Variants in KIF11 observed in about 807,000 individuals in gnomAD.
KIF11 encodes kinesin-like protein KIF11.
KIF11 carries 9 observed loss-of-function variants against 121.0 expected under a neutral mutation model. The observed-to-expected ratio is 0.07, with a 90% CI of 0.04 to 0.13. The LOEUF is 0.13. Ranked by LOEUF, KIF11 falls within the 10% of genes least tolerant of loss-of-function variation. KIF11 has a pLI of 1.00. For synonymous variants in KIF11, 408 were observed against 421.0 expected, an observed-to-expected ratio of 0.97 and a Z score of 0.38; for missense variants, 846 against 1,217.5, an observed-to-expected ratio of 0.69 and a Z score of 4.54.
rs1564720663 is a variant in KIF11 at position 92,654,978 on chromosome 10, T to G, written c.*1182T>G. 6.5e-6 allele frequency: 1 copy of G among 152,688 alleles called. No individual in the cohort carries two copies. Among genetic ancestry groups the G allele is most frequent in the African/African-American group, 2.4e-5 (1 of 41,470 alleles). 9.5% of individuals were successfully genotyped at this position (152,688 alleles called of 1,614,324 possible). A position where few individuals can be genotyped will look rare whatever the true frequency, so the allele number is the denominator to read the frequency against. Reference sequence around the variant, plus strand: ...TTCTTTTGTTTACATGATGAAACTTTTTGTTGTTGCTTGTTTGTATATAAT... The same window carrying G: ...TTCTTTTGTTTACATGATGAAACTTGTTGTTGTTGCTTGTTTGTATATAAT... On this transcript the variant is annotated 3_prime_UTR_variant, in exon 22 of 22. Coordinates refer to ENST00000260731, the MANE Select transcript of KIF11 (RefSeq NM_004523.4).
chr10:92,651,961 CTTTTTTTTTTT>C (rs36000362), intron 21 of KIF11, among the ~76,000 whole-genome samples: 1 of 102,550 alleles, frequency 9.8e-6, no homozygotes, highest in African/African-American at 3.6e-5. Context: ...ATGCTTGTAC[CTTTTTTTTTTT>C]TTTTTTTTTT....
rs756984680 is a variant in KIF11, at chr10:92,606,730, T to A, written c.308+14T>A. On this transcript the variant is annotated intron_variant, in intron 3 of 21. Transcript: ENST00000260731. Reference sequence around the variant, plus strand: ...CACTATCTTTGCGTAAGTAAAAGGGTGTTTTTTCTGATTTATGAAAAAGCT... The same window carrying A: ...CACTATCTTTGCGTAAGTAAAAGGGAGTTTTTTCTGATTTATGAAAAAGCT... 1.1e-5 allele frequency: 13 copies of A among 1,192,700 alleles called. No homozygotes were observed. Among genetic ancestry groups the A allele is most frequent in the Middle Eastern group, 1.9e-4 (1 of 5,192 alleles). The allele number at this position is 1,192,700 out of a possible 1,614,324, so 73.9% of individuals were successfully genotyped here. A position where few individuals can be genotyped will look rare whatever the true frequency, so the allele number is the denominator to read the frequency against.
chr10:92,621,305 AC>A, intron 9 of KIF11, 79 bp from the exon 10 acceptor site: 2 of 733,854 alleles, frequency 2.7e-6, no homozygotes, highest in Non-Finnish European at 4.6e-6. Flanking sequence ...GGCTAACTTT[AC>A]ATTTTATTTG....
rs1471331012 is a variant in KIF11 at position 92,637,407 on chromosome 10, A to T, written c.2022A>T (p.Glu674Asp). The change falls in exon 16 of 22, where the codon GAA (glutamate) becomes GAT (aspartate). Residue 674 changes from glutamate to aspartate, a missense_variant. By Grantham distance (45) the Glu-to-Asp change is conservative. This residue lies in a region of KIF11 where 492 missense variants were observed against 603.4 expected (regional missense o/e 0.82). Coordinates refer to ENST00000260731, the MANE Select transcript of KIF11 (RefSeq NM_004523.4). ...VADKIEDQKK[E>D]LDGFLSILCN... is the part of the protein sequence containing the mutation. ...CAAAGATAGAAGATCAAAAAAAGGAACTAGATGGCTTTCTCAGTATACTGT... is the reference window on the plus strand; with the variant it reads ...CAAAGATAGAAGATCAAAAAAAGGATCTAGATGGCTTTCTCAGTATACTGT... 6.3e-7 allele frequency: 1 copy of T among 1,580,244 alleles called. No homozygotes were observed. The highest frequency in any genetic ancestry group is 8.5e-7 in the Non-Finnish European group (1 of 1,172,092).
chr10:92,630,436 A>T, intron 12 of KIF11, 72 bp downstream of exon 12: 1 of 842,946 alleles, frequency 1.2e-6, no homozygotes, highest in South Asian at 2.6e-5. Flanking sequence ...GTGCTTAAGC[A>T]TTAAATATTC....
At chr10:92,594,794 G>T (rs542012203) in intron 1 of KIF11, among the ~76,000 whole-genome samples, 25 of 152,218 alleles carry the variant, frequency 1.6e-4, no homozygotes. Flanking sequence ...AGTCTTAGAA[G>T]AGATTTACTT....
In KIF11 at chr10:92,648,317, A is replaced by G; in HGVS notation, c.2653A>G (p.Thr885Ala). 1 of 1,609,894 alleles carries G rather than the reference A, an allele frequency of 6.2e-7. No individual in the cohort carries two copies. Among genetic ancestry groups the G allele is most frequent in the Non-Finnish European group, 8.5e-7 (1 of 1,176,212 alleles). Residue 885 changes from threonine (T) to alanine (A), a missense_variant, in exon 19 of 22, where the codon ACT becomes GCT. Thr to Ala is a moderately conservative substitution (Grantham distance 58). Coordinates refer to ENST00000260731, the MANE Select transcript of KIF11 (RefSeq NM_004523.4). ...GCATAACATTTTTCTTGATCAGATGACTATTGATGAAGATAAATTGATAGC... is the reference window on the plus strand; with the variant it reads ...GCATAACATTTTTCTTGATCAGATGGCTATTGATGAAGATAAATTGATAGC... Reference protein sequence around the residue: ...KQHNIFLDQMTIDEDKLIAQN... With the variant: ...KQHNIFLDQMAIDEDKLIAQN...
Position 92,621,461 on chromosome 10 carries a change from A to G in KIF11, c.1205A>G (p.Glu402Gly), listed in dbSNP as rs1174352988. The G allele has an allele frequency of 1.2e-6, 2 of 1,609,360 alleles. No homozygotes were observed. Residue 402 changes from glutamate (E) to glycine (G), a missense_variant, in exon 10 of 22, where the codon GAA (glutamate) becomes GGA (glycine). Glu to Gly is a moderately conservative substitution (Grantham distance 98). Around this residue, in one of 5 missense-constraint regions of KIF11, gnomAD observed 95 missense variants for 109.3 expected, o/e 0.87. Transcript: ENST00000260731. ...AREKNGVYIS[E>G]ENFRVMSGKL... The stretch of plus-strand genomic sequence containing the variant: ...GAGAAAAATGGAGTGTATATTTCTG[A>G]AGAAAATTTTAGGTAAGCCCTTGGC...
chr10:92,646,615 T>C (rs1844922978), intron 18 of KIF11, among the ~76,000 whole-genome samples: 1 of 152,102 alleles, frequency 6.6e-6, no homozygotes, highest in Non-Finnish European at 1.5e-5. Context: ...ATTTCTGAGG[T>C]TGTCAAAAGG....
chr10:92,637,028 G>C (rs1384201891), intron 14 of KIF11, among the ~76,000 whole-genome samples, 156 bp from the exon 15 acceptor site: 43 of 85,082 alleles, frequency 5.1e-4, no homozygotes, highest in African/African-American at 2.4e-3. Context: ...ATGAGACTCC[G>C]TCTCAAAAAA....
At chr10:92,653,222 T>C (rs1337022368) in intron 21 of KIF11, among the ~76,000 whole-genome samples, 2 of 152,200 alleles carry the variant, frequency 1.3e-5, no homozygotes, top group Non-Finnish European at 2.9e-5. Flanking sequence ...GATAATTCTT[T>C]GTTGTGATGG....
intron 6 of KIF11, among the ~76,000 whole-genome samples, chr10:92,611,370 G>T (rs888725487): frequency 1.3e-5 from 2 of 151,652 alleles, no homozygotes; most frequent in Non-Finnish European, 2.9e-5. Flanking sequence ...CCACCACCAC[G>T]CCTGGCTAAT....
At chr10:92,596,995 G>T in intron 1 of KIF11, 4 of 398,232 alleles carry the variant, frequency 1.0e-5, no homozygotes, top group South Asian at 2.2e-5. Context: ...CCAATGCATG[G>T]GTCACATTTG....
At chr10:92,635,936 G>A (rs944148181) in intron 14 of KIF11, among the ~76,000 whole-genome samples, 2 of 152,212 alleles carry the variant, frequency 1.3e-5, no homozygotes, top group African/African-American at 4.8e-5. Context: ...AGACCTATAA[G>A]TATTTACTAA....
intron 6 of KIF11, 48 bp from the exon 7 acceptor site, chr10:92,612,992 A>G (rs756906413): frequency 9.4e-7 from 1 of 1,067,890 alleles, no homozygotes; most frequent in East Asian, 2.4e-5. Context: ...GAAGCAGCAA[A>G]TGCTATTTTA....
At chr10:92,623,631 G>A (rs572318324) in intron 10 of KIF11, among the ~76,000 whole-genome samples, 1 of 152,232 alleles carries the variant, frequency 6.6e-6, no homozygotes, top group East Asian at 1.9e-4. Context: ...TTCCATGAAT[G>A]TGTAAGATGC....
chr10:92,612,104 G>GT (rs1013385627), intron 6 of KIF11, among the ~76,000 whole-genome samples: 3 of 150,854 alleles, frequency 2.0e-5, no homozygotes, highest in African/African-American at 7.3e-5. Context: ...TATTTGTTTT[G>GT]TTTTTTGTTT....
rs1489241903 is a variant in KIF11 at position 92,650,437 on chromosome 10, A to C, written c.2959A>C (p.Thr987Pro). ...DVEEAVLGQY[T>P]EEPLSQEPSV... Reference sequence around the variant, plus strand: ...AGAAGAGGCAGTTCTGGGGCAGTATACTGAAGAACCTCTAAGTCAAGAGCC... The same window carrying C: ...AGAAGAGGCAGTTCTGGGGCAGTATCCTGAAGAACCTCTAAGTCAAGAGCC... Residue 987 changes from threonine (T) to proline (P), a missense_variant, in exon 21 of 22, where the codon ACT (threonine) becomes CCT (proline). Around this residue, in one of 5 missense-constraint regions of KIF11, gnomAD observed 492 missense variants for 603.4 expected, o/e 0.82. Transcript: ENST00000260731. 1.2e-6 allele frequency: 2 copies of C among 1,613,214 alleles called. No homozygotes were observed. The highest frequency in any genetic ancestry group is 2.2e-5 in the South Asian group (2 of 91,076).
intron 6 of KIF11, among the ~76,000 whole-genome samples, chr10:92,610,448 G>A (rs776012667): frequency 7.9e-5 from 12 of 151,894 alleles, no homozygotes; most frequent in Non-Finnish European, 1.2e-4. Context: ...ATAAATTTAC[G>A]TAAGTTAGAA....
Sources: gnomAD v4.1 joint callset for allele counts (sites outside exome capture counted in the v4.1 genomes callset) on GRCh38, gnomAD v4.1.1 for gene constraint, gnomAD v4.1.1 regional missense constraint, MANE v1.5 for transcripts, NCBI Gene and HGNC (gene_info 2026-07-23, HGNC 2026-07-21) for gene names.